The following ARHGAP42 variants were observed in gnomAD, a reference collection of about 807,000 sequenced individuals.
ARHGAP42 encodes rho GTPase-activating protein 42.
In ARHGAP42, 63 loss-of-function variants were observed where a neutral mutation model predicts 125.0. The observed-to-expected ratio is 0.50, with a 90% confidence interval of 0.41 to 0.62. The LOEUF is 0.62. ARHGAP42 is among the 20% of genes least tolerant of loss of function. The pLI, the probability that ARHGAP42 is intolerant of heterozygous loss-of-function variation, is 0.00. For missense variants in ARHGAP42, 766 were observed against 1,024.2 expected (o/e 0.75, Z 3.44); for synonymous variants, 339 against 351.0 (o/e 0.97, Z 0.38).
chr11:100,810,312 A>G (rs1334099100), intron 3 of ARHGAP42, among the ~76,000 whole-genome samples: 1 of 152,248 alleles, frequency 6.6e-6, no homozygotes, highest in African/African-American at 2.4e-5. Context: ...ACTATACTAG[A>G]CAAGATAATT....
At chr11:100,877,860 C>A (rs1021563710) in intron 4 of ARHGAP42, among the ~76,000 whole-genome samples, 27 of 151,848 alleles carry the variant, frequency 1.8e-4, no homozygotes, top group Non-Finnish European at 3.5e-4. Context: ...CAAAAATTAG[C>A]CAGACGTGGT....
intron 1 of ARHGAP42, among the ~76,000 whole-genome samples, chr11:100,755,373 T>C (rs1862548020): frequency 6.6e-6 from 1 of 152,210 alleles, no homozygotes; most frequent in Non-Finnish European, 1.5e-5. Flanking sequence ...TTATAGATAA[T>C]TTTCCATACT....
rs970396181 is a variant in ARHGAP42, at chr11:100,943,786, A to G, written c.961A>G (p.Met321Val). 3.9e-6 allele frequency: 6 copies of G among 1,549,878 alleles called. No individual in the cohort carries two copies. Among genetic ancestry groups the G allele is most frequent in the Non-Finnish European group, 4.4e-6 (5 of 1,145,796 alleles). ...MNGLVTSSPE[M>V]FKLKSCIRRK... ...TGGCCTTGTTACTAGCTCACCGGAAATGTTTAAATTAAAATCTTGTATCCG... is the reference window on the plus strand; with the variant it reads ...TGGCCTTGTTACTAGCTCACCGGAAGTGTTTAAATTAAAATCTTGTATCCG... Residue 321 changes from methionine to valine, a missense_variant, in exon 10 of 24, where the codon ATG becomes GTG. Physicochemically the swap from Met to Val is conservative, Grantham distance 21 (BLOSUM62 1). Around this residue, in one of 3 missense-constraint regions of ARHGAP42, gnomAD observed 455 missense variants for 636.5 expected, o/e 0.71. Coordinates refer to ENST00000298815, the MANE Select transcript of ARHGAP42 (RefSeq NM_152432.4).
intron 3 of ARHGAP42, among the ~76,000 whole-genome samples, chr11:100,838,506 A>C (rs1864867764): frequency 1.3e-5 from 2 of 152,052 alleles, no homozygotes; most frequent in Admixed American, 6.6e-5. Context: ...CAGTAATTCA[A>C]AACTAGCCTG....
chr11:100,867,494 A>C lies in ARHGAP42; in HGVS notation c.384+7869A>C, dbSNP rs75089212. Among the ~76,000 whole-genome samples the C allele has an allele frequency of 6.6e-5, 10 of 152,346 alleles. No individual in the cohort carries two copies. The East Asian group carries it at 1.9e-3, about 29-fold the overall frequency. The stretch of plus-strand genomic sequence containing the variant: ...CATGAACCAACCTCTGCTAGCTTCA[A>C]ACATTTCTTCTGCAATTTCCTTATT... On this transcript the variant is annotated intron_variant, in intron 4 of 23. Coordinates refer to ENST00000298815, the MANE Select transcript of ARHGAP42 (RefSeq NM_152432.4).
chr11:100,843,222 T>C (rs1864983106), intron 3 of ARHGAP42, among the ~76,000 whole-genome samples: 3 of 151,770 alleles, frequency 2.0e-5, no homozygotes, highest in African/African-American at 7.3e-5. Flanking sequence ...CTAGAGGAAA[T>C]GGATAAATAC....
chr11:100,690,739 G>A (rs1187359779), intron 1 of ARHGAP42, among the ~76,000 whole-genome samples: 1 of 152,166 alleles, frequency 6.6e-6, no homozygotes, highest in East Asian at 1.9e-4. Flanking sequence ...TGGGACTACA[G>A]GTGCCCGCCA....
intron 2 of ARHGAP42, among the ~76,000 whole-genome samples, chr11:100,779,518 ACGTATACATG>A (rs1863227560): frequency 7.0e-6 from 1 of 142,664 alleles, no homozygotes; most frequent in Non-Finnish European, 1.5e-5. Flanking sequence ...GTATATATAT[ACGTATACATG>A]CGTATATATA....
intron 3 of ARHGAP42, among the ~76,000 whole-genome samples, chr11:100,848,310 C>T (rs914994192): frequency 3.9e-5 from 6 of 152,106 alleles, no homozygotes; most frequent in African/African-American, 1.4e-4. Flanking sequence ...TATTAATATA[C>T]TTGAATGTGT....
chr11:100,885,263 G>A (rs935675460), intron 4 of ARHGAP42, among the ~76,000 whole-genome samples: 10 of 152,288 alleles, frequency 6.6e-5, no homozygotes, highest in East Asian at 3.9e-4. Flanking sequence ...ATATTGGGCC[G>A]CTTCGATTGG....
intron 1 of ARHGAP42, among the ~76,000 whole-genome samples, chr11:100,737,960 CTT>C (rs1237970040): frequency 6.6e-6 from 1 of 152,080 alleles, no homozygotes; most frequent in Non-Finnish European, 1.5e-5. Context: ...ATTGCAAAGT[CTT>C]TATACAGTGA....
At chr11:100,727,513 A>AACTTTC (rs1861882214) in intron 1 of ARHGAP42, among the ~76,000 whole-genome samples, 1 of 152,180 alleles carries the variant, frequency 6.6e-6, no homozygotes, top group Non-Finnish European at 1.5e-5. Flanking sequence ...AGAAGCCTTG[A>AACTTTC]ACTTTCAGCT....
intron 4 of ARHGAP42, among the ~76,000 whole-genome samples, chr11:100,866,324 G>A (rs768031316): frequency 2.0e-5 from 3 of 152,126 alleles, no homozygotes; most frequent in Non-Finnish European, 2.9e-5. Flanking sequence ...TAATCCATAA[G>A]GCTTAGAATC....
intron 4 of ARHGAP42, among the ~76,000 whole-genome samples, chr11:100,877,936 C>T (rs973603126): frequency 4.4e-5 from 6 of 135,172 alleles, no homozygotes; most frequent in Admixed American, 4.2e-4. Flanking sequence ...ACTCGGGAGG[C>T]GGAGATTGCA....
chr11:100,804,202 C>T (rs981162563), intron 3 of ARHGAP42, among the ~76,000 whole-genome samples: 1 of 152,018 alleles, frequency 6.6e-6, no homozygotes, highest in Admixed American at 6.6e-5. Context: ...ATTGCATAGG[C>T]TGGTATTGAA....
rs886946139 is a variant in ARHGAP42, at chr11:100,776,913, G to A, written c.250+6475G>A. Among the ~76,000 whole-genome samples the A allele has an allele frequency of 3.3e-5, 5 of 151,474 alleles. 1 individual carries two copies. The South Asian group carries it at 1.0e-3, about 32-fold the overall frequency. ...CAGGAGAACCACTTGAACCCGGGAGGTGGAGGTTGCAGTGAACTCAGATTG... is the reference window on the plus strand; with the variant it reads ...CAGGAGAACCACTTGAACCCGGGAGATGGAGGTTGCAGTGAACTCAGATTG... On this transcript the variant is annotated intron_variant, in intron 2 of 23. Coordinates refer to ENST00000298815, the MANE Select transcript of ARHGAP42 (RefSeq NM_152432.4).
At chr11:100,819,810 A>C (rs1864362027) in intron 3 of ARHGAP42, among the ~76,000 whole-genome samples, 1 of 152,184 alleles carries the variant, frequency 6.6e-6, no homozygotes, top group African/African-American at 2.4e-5. Context: ...GAATAATGAA[A>C]GGGCTCAAGA....
chr11:100,801,228 A>T (rs1863844597), intron 3 of ARHGAP42, among the ~76,000 whole-genome samples: 1 of 152,200 alleles, frequency 6.6e-6, no homozygotes. Flanking sequence ...ACTTGTATTT[A>T]AAAAATTAGT....
chr11:100,905,870 C>T (rs893973812), intron 4 of ARHGAP42, among the ~76,000 whole-genome samples: 25 of 152,094 alleles, frequency 1.6e-4, no homozygotes, highest in Admixed American at 3.9e-4. Context: ...TCCAGCTACT[C>T]GGGAGGCCGA....
Sources: allele counts gnomAD v4.1 joint callset (sites outside exome capture counted in the v4.1 genomes callset), GRCh38; gene constraint gnomAD v4.1.1; regional missense constraint gnomAD v4.1.1; transcripts MANE v1.5; gene names NCBI Gene and HGNC (gene_info 2026-07-23, HGNC 2026-07-21).